Variants in CDC25C observed in about 807,000 individuals in gnomAD.
The protein encoded by CDC25C is M-phase inducer phosphatase 3.
CDC25C carries 48 observed loss-of-function variants against 52.5 expected under a neutral mutation model. The ratio of observed to expected loss-of-function variants is 0.91; its 90% CI spans 0.72 to 1.16. CDC25C has a LOEUF of 1.16. CDC25C is among the 50% of genes most tolerant of loss of function. CDC25C has a pLI of 0.00. For missense variants in CDC25C, 510 were observed against 566.1 expected (o/e 0.90, Z 1.01); for synonymous variants, 187 against 206.5 (o/e 0.91, Z 0.81).
At chr5:138,326,127 A>G (rs1333048245) in intron 4 of CDC25C, 73 bp from the exon 5 acceptor site, 8 of 1,493,244 alleles carry the variant, frequency 5.4e-6, no homozygotes, top group African/African-American at 4.1e-5. Flanking sequence ...GGATTGGTGC[A>G]TCCCAACATT....
In CDC25C at chr5:138,328,479, C is replaced by T. The variant is rs773475506; in HGVS notation, c.335+5G>A. 1.6e-5 allele frequency: 26 copies of T among 1,613,438 alleles called. No individual in the cohort carries two copies. Among genetic ancestry groups the T allele is most frequent in the Non-Finnish European group, 1.9e-5 (22 of 1,179,492 alleles). ...GTGTGGGGTTCATTTAACAACAGAA[C>T]TTACATCCCAGCTAAATGCACTTCC... On this transcript the variant is annotated splice_donor_5th_base_variant and intron_variant, in intron 4 of 13. Coordinates refer to ENST00000323760, the MANE Select transcript of CDC25C (RefSeq NM_001790.5).
chr5:138,301,690 CAAAA>C (rs1194730456), intron 7 of CDC25C, among the ~76,000 whole-genome samples: 1 of 101,392 alleles, frequency 9.9e-6, no homozygotes, highest in Admixed American at 1.2e-4. Context: ...TAGAGGTACA[CAAAA>C]AAAAAAAAAA....
At chr5:138,293,064 T>G (rs1263575834) in intron 7 of CDC25C, among the ~76,000 whole-genome samples, 1 of 152,190 alleles carries the variant, frequency 6.6e-6, no homozygotes, top group Non-Finnish European at 1.5e-5. Context: ...TAACAACATT[T>G]TGCTTTATGA....
chr5:138,329,859 T>G (rs539457493), intron 2 of CDC25C, among the ~76,000 whole-genome samples: 1 of 149,102 alleles, frequency 6.7e-6, no homozygotes, highest in East Asian at 2.1e-4. Flanking sequence ...GCCTCCCAAA[T>G]AGCTGGGATC....
chr5:138,286,266 T>C lies in CDC25C; in HGVS notation c.1161-133A>G, dbSNP rs181442810. On this transcript the variant is annotated intron_variant, in intron 12 of 13. Coordinates refer to ENST00000323760, the MANE Select transcript of CDC25C (RefSeq NM_001790.5). Reference sequence around the variant, plus strand: ...AAGGACTTTCCAATCTCCCTGTGTTTGCAAAAAAAGGTCCAAGTAGTACCA... The same window carrying C: ...AAGGACTTTCCAATCTCCCTGTGTTCGCAAAAAAAGGTCCAAGTAGTACCA... 1.4e-4 allele frequency: 112 copies of C among 821,912 alleles called. No homozygotes were observed. The African/African-American group carries it at 1.6e-3, about 11-fold the overall frequency. The allele number at this position is 821,912 out of a possible 1,614,324, so 50.9% of individuals were successfully genotyped here.
At chr5:138,291,901 TC>T (rs1756751091) in intron 8 of CDC25C, 68 bp downstream of exon 8, 1 of 1,317,988 alleles carries the variant, frequency 7.6e-7, no homozygotes, top group African/African-American at 1.5e-5. Flanking sequence ...AATAAAACAA[TC>T]CTCATACCAG....
chr5:138,285,723 A>G lies in CDC25C; in HGVS notation c.1391T>C (p.Ile464Thr). 3 of 1,614,188 alleles carry G rather than the reference A, an allele frequency of 1.9e-6. No individual in the cohort carries two copies. Among genetic ancestry groups the G allele is most frequent in the Non-Finnish European group, 2.5e-6 (3 of 1,180,010 alleles). ...QEGERQLREQ[I>T]ALLVKDMSP ...GCTCATGTCCTTCACCAGAAGGGCA[A>G]TCTGCTCCCGCAGCTGCCGCTCCCC... is the stretch of plus-strand genomic sequence containing the variant. Residue 464 changes from isoleucine to threonine, a missense_variant, in exon 14 of 14, where the codon ATT (isoleucine) becomes ACT (threonine). Transcript: ENST00000323760.
chr5:138,333,125 C>T (rs998350482), upstream of CDC25C, among the ~76,000 whole-genome samples: 1 of 152,068 alleles, frequency 6.6e-6, no homozygotes, highest in African/African-American at 2.4e-5. Context: ...CCATACTTTG[C>T]GTGGTAAGGT....
intron 4 of CDC25C, among the ~76,000 whole-genome samples, chr5:138,326,926 T>C (rs1399611373): frequency 7.9e-4 from 89 of 112,638 alleles, no homozygotes; most frequent in African/African-American, 2.7e-3. Context: ...CACTTAAGCC[T>C]AGGCAACAAG....
chr5:138,312,924 C>T (rs895504141), intron 7 of CDC25C, among the ~76,000 whole-genome samples: 3 of 151,822 alleles, frequency 2.0e-5, no homozygotes, highest in Non-Finnish European at 4.4e-5. Flanking sequence ...CCAATGAAAA[C>T]ATTACACTAT....
chr5:138,315,323 A>C (rs12519407), intron 7 of CDC25C, among the ~76,000 whole-genome samples: 49,506 of 152,006 alleles, frequency 0.33, 8,544 homozygotes, highest in East Asian at 0.61. Flanking sequence ...ACTCCATCAC[A>C]GGTACATATG....
At chr5:138,310,072 C>T (rs1758326033) in intron 7 of CDC25C, among the ~76,000 whole-genome samples, 1 of 152,198 alleles carries the variant, frequency 6.6e-6, no homozygotes, top group Non-Finnish European at 1.5e-5. Flanking sequence ...CACATTACTG[C>T]TCTTACTTTA....
upstream of CDC25C, among the ~76,000 whole-genome samples, chr5:138,333,966 C>G (rs1257844322): frequency 6.6e-6 from 1 of 151,498 alleles, no homozygotes; most frequent in East Asian, 1.9e-4. Flanking sequence ...GATGGAGTCT[C>G]GCTCTCTCCC....
At chr5:138,313,616 C>A (rs552721617) in intron 7 of CDC25C, among the ~76,000 whole-genome samples, 1 of 152,172 alleles carries the variant, frequency 6.6e-6, no homozygotes, top group African/African-American at 2.4e-5. Flanking sequence ...TGATTCCTGG[C>A]TAATATTATT....
At chr5:138,310,350 C>T (rs1391861773) in intron 7 of CDC25C, among the ~76,000 whole-genome samples, 1 of 152,140 alleles carries the variant, frequency 6.6e-6, no homozygotes, top group Admixed American at 6.6e-5. Context: ...TCTTACTAGG[C>T]TTTTAGTAAT....
chr5:138,301,794 C>T (rs1757648983), intron 7 of CDC25C, among the ~76,000 whole-genome samples: 1 of 150,124 alleles, frequency 6.7e-6, no homozygotes, highest in Non-Finnish European at 1.5e-5. Flanking sequence ...ACCTCTGCCT[C>T]CTGGGTTCAA....
intron 4 of CDC25C, among the ~76,000 whole-genome samples, chr5:138,328,199 C>T (rs963487482): frequency 6.6e-6 from 1 of 152,162 alleles, no homozygotes; most frequent in East Asian, 1.9e-4. Context: ...GATACAGCAC[C>T]TTTCACATAC....
At chr5:138,298,704 C>T (rs906195248) in intron 7 of CDC25C, among the ~76,000 whole-genome samples, 3 of 151,190 alleles carry the variant, frequency 2.0e-5, no homozygotes, top group African/African-American at 7.3e-5. Context: ...GAGCTTAGGT[C>T]GTGCCACTGC....
Position 138,321,768 on chromosome 5 carries a change from A to C in CDC25C, c.460-2394T>G, listed in dbSNP as rs935339567. 5.4e-5 allele frequency among the ~76,000 whole-genome samples: 8 copies of C among 149,262 alleles called. No individual in the cohort carries two copies. The East Asian group carries it at 5.8e-4, about 11-fold the overall frequency. On this transcript the variant is annotated intron_variant, in intron 6 of 13. Coordinates refer to ENST00000323760, the MANE Select transcript of CDC25C (RefSeq NM_001790.5). ...TCTGTCTCAAAAAAAAAAAAAAAAA[A>C]AAAAAAAAAAAAAACCATGATCAAC...
Sources: gnomAD v4.1 joint callset for allele counts (sites outside exome capture counted in the v4.1 genomes callset) on GRCh38, gnomAD v4.1.1 for gene constraint, MANE v1.5 for transcripts, NCBI Gene and HGNC (gene_info 2026-07-23, HGNC 2026-07-21) for gene names.